Variants in LRRC37A2 observed in about 807,000 individuals in gnomAD.
LRRC37A2 encodes leucine-rich repeat-containing protein 37A2.
LRRC37A2 carries 9 observed loss-of-function variants against 68.8 expected under a neutral mutation model. The ratio of observed to expected loss-of-function variants is 0.13; its 90% CI spans 0.08 to 0.23. LRRC37A2 has a LOEUF of 0.23. Ranked by LOEUF, LRRC37A2 falls within the 10% of genes least tolerant of loss-of-function variation. The pLI, the probability that LRRC37A2 is intolerant of heterozygous loss-of-function variation, is 1.00. For missense variants in LRRC37A2, 168 were observed against 950.4 expected (o/e 0.18, Z 10.82); for synonymous variants, 63 against 367.6 (o/e 0.17, Z 9.48).
the LRRC37A2 span, among the ~76,000 whole-genome samples, chr17:46,924,874 T>TA: frequency 3.3e-4 from 50 of 152,354 alleles, no homozygotes; most frequent in Non-Finnish European, 5.3e-4. Context: ...GCCTTGAAGT[T>TA]AATCTGTTAT....
the LRRC37A2 span, among the ~76,000 whole-genome samples, chr17:46,501,187 G>A: frequency 6.6e-6 from 1 of 151,254 alleles, no homozygotes; most frequent in African/African-American, 2.5e-5. Context: ...CAGCTATATT[G>A]ACTTGTTTTT....
At chr17:46,552,871 T>C (rs1315429064) in intron 11 of LRRC37A2, among the ~76,000 whole-genome samples, 1 of 142,942 alleles carries the variant, frequency 7.0e-6, no homozygotes, top group East Asian at 2.0e-4. Context: ...GGCAGCATAG[T>C]GAGACCTTGT....
the LRRC37A2 span, among the ~76,000 whole-genome samples, chr17:46,816,025 C>A: frequency 6.6e-6 from 1 of 152,156 alleles, no homozygotes; most frequent in African/African-American, 2.4e-5. Flanking sequence ...CAAGCACAAT[C>A]AGGTCATGGC....
chr17:46,875,994 G>T, the LRRC37A2 span, among the ~76,000 whole-genome samples: 2 of 151,774 alleles, frequency 1.3e-5, no homozygotes, highest in Admixed American at 6.6e-5. Context: ...GCTGTGTTCA[G>T]TCACTGAGTT....
At chr17:46,799,984 C>T in the LRRC37A2 span, among the ~76,000 whole-genome samples, 13 of 152,252 alleles carry the variant, frequency 8.5e-5, no homozygotes, top group East Asian at 7.7e-4. Flanking sequence ...TGCCCAGAGC[C>T]GGACTTCCTG....
chr17:46,493,928 G>A, the LRRC37A2 span, among the ~76,000 whole-genome samples: 1 of 151,056 alleles, frequency 6.6e-6, no homozygotes, highest in African/African-American at 2.5e-5. Flanking sequence ...CATTCCCCTC[G>A]ACTCCAGGTT....
At chr17:46,863,001 C>G in the LRRC37A2 span, among the ~76,000 whole-genome samples, 1 of 152,260 alleles carries the variant, frequency 6.6e-6, no homozygotes, top group Non-Finnish European at 1.5e-5. Context: ...GGGAACGGGC[C>G]TGGCTCTCAG....
the LRRC37A2 span, among the ~76,000 whole-genome samples, chr17:46,872,004 C>G: frequency 6.6e-6 from 1 of 152,184 alleles, no homozygotes; most frequent in Non-Finnish European, 1.5e-5. Flanking sequence ...GTCAGGGGAC[C>G]TTGGCTGGGT....
chr17:46,811,538 TCCAGCCCC>T, the LRRC37A2 span, among the ~76,000 whole-genome samples: 1 of 152,094 alleles, frequency 6.6e-6, no homozygotes, highest in Non-Finnish European at 1.5e-5. Context: ...GGACCTTCTC[TCCAGCCCC>T]CATGGCCCAC....
At chr17:46,588,851 G>A in the LRRC37A2 span, among the ~76,000 whole-genome samples, 4 of 127,468 alleles carry the variant, frequency 3.1e-5, 1 homozygote, top group African/African-American at 1.5e-4. Context: ...TTCGAGACCA[G>A]CCTGGACAAC....
At chr17:46,897,801 T>A in the LRRC37A2 span, among the ~76,000 whole-genome samples, 10 of 152,084 alleles carry the variant, frequency 6.6e-5, no homozygotes, top group African/African-American at 2.4e-4. Context: ...CTTTCTTTAT[T>A]GACTCTGCTC....
the LRRC37A2 span, among the ~76,000 whole-genome samples, chr17:47,001,270 C>T: frequency 1.3e-5 from 2 of 152,110 alleles, no homozygotes; most frequent in African/African-American, 2.4e-5. Flanking sequence ...AGTATTGAAG[C>T]CCTGAAACGC....
At chr17:47,003,230 G>C in the LRRC37A2 span, among the ~76,000 whole-genome samples, 3 of 118,640 alleles carry the variant, frequency 2.5e-5, no homozygotes, top group African/African-American at 9.9e-5. Flanking sequence ...CTCCAGCCTG[G>C]ACAATAGAGA....
chr17:46,813,010 T>C, the LRRC37A2 span, among the ~76,000 whole-genome samples: 1 of 151,996 alleles, frequency 6.6e-6, no homozygotes, highest in South Asian at 2.1e-4. Context: ...AAAAGCCAGA[T>C]GTGAATGCAG....
chr17:46,690,629 A>ATG, the LRRC37A2 span, among the ~76,000 whole-genome samples: 1 of 131,968 alleles, frequency 7.6e-6, no homozygotes, highest in Non-Finnish European at 1.6e-5. Flanking sequence ...AAAAAAATAT[A>ATG]TATATATATA....
At chr17:47,003,737 A>G in the LRRC37A2 span, among the ~76,000 whole-genome samples, 1 of 149,684 alleles carries the variant, frequency 6.7e-6, no homozygotes, top group African/African-American at 2.5e-5. Context: ...TTTTTTTATT[A>G]TACTTTAAGT....
At chr17:46,899,903 GGGCACA>G in the LRRC37A2 span, among the ~76,000 whole-genome samples, 1 of 151,790 alleles carries the variant, frequency 6.6e-6, no homozygotes, top group Non-Finnish European at 1.5e-5. Flanking sequence ...GGGTAGTTAA[GGGCACA>G]GACTCTTCAG....
chr17:46,777,495 G>C, the LRRC37A2 span, among the ~76,000 whole-genome samples: 1 of 152,376 alleles, frequency 6.6e-6, no homozygotes, highest in East Asian at 1.9e-4. Context: ...TCAAAGGTCG[G>C]AGTGCTTCCC....
the LRRC37A2 span, among the ~76,000 whole-genome samples, chr17:46,913,155 C>T: frequency 2.6e-5 from 4 of 152,204 alleles, no homozygotes; most frequent in African/African-American, 7.2e-5. Flanking sequence ...CCGCTAAGGG[C>T]AGTTTTTAAT....
Sources: allele counts gnomAD v4.1 joint callset (sites outside exome capture counted in the v4.1 genomes callset), GRCh38; gene constraint gnomAD v4.1.1; transcripts MANE v1.5; gene names NCBI Gene and HGNC (gene_info 2026-07-23, HGNC 2026-07-21).